IGSF3: variants seen among roughly 807,000 people sequenced by gnomAD.
IGSF3 encodes immunoglobulin superfamily member 3.
IGSF3 carries 23 observed loss-of-function variants against 114.4 expected under a neutral mutation model. That is an observed-to-expected ratio of 0.20 (90% CI 0.14 to 0.28). The LOEUF (loss-of-function observed/expected upper bound fraction) is 0.28, where lower values mean the gene tolerates loss of function less well. IGSF3 is among the 10% of genes least tolerant of loss of function. The pLI, the probability that IGSF3 is intolerant of heterozygous loss-of-function variation, is 1.00. For synonymous variants in IGSF3, 571 were observed against 645.2 expected (o/e 0.88, Z 1.74); for missense variants, 1,172 against 1,591.5 (o/e 0.74, Z 4.48).
chr1:116,651,492 T>A lies in IGSF3; in HGVS notation c.43+14792A>T, dbSNP rs1648634773. On this transcript the variant is annotated intron_variant, in intron 2 of 10. Transcript: ENST00000369486. The surrounding 1 kb of genome is among the most constrained non-coding windows in gnomAD (Gnocchi z 4.4). ...TCACAGATCACCAGTTTTAGCTGTT[T>A]GAAGTTTTAGAATTCCTTTTCAAAT... Among the ~76,000 whole-genome samples, 1 of 152,252 alleles carries A rather than the reference T, an allele frequency of 6.6e-6. No individual in the cohort carries two copies. Among genetic ancestry groups the A allele is most frequent in the African/African-American group, 2.4e-5 (1 of 41,468 alleles).
rs557236130 is a variant in IGSF3, at chr1:116,665,664, C to T, written c.43+620G>A. Among the ~76,000 whole-genome samples, 63 of 152,314 alleles carry T rather than the reference C, an allele frequency of 4.1e-4. No homozygotes were observed. The South Asian group carries it at 0.013, about 31-fold the overall frequency. ...GGAGCACAAAAGCCAATCCTAAAAT[C>T]TCCCCTACCAGGCAGCTTCCTTTTC... On this transcript the variant is annotated intron_variant, in intron 2 of 10. Transcript: ENST00000369486. The surrounding 1 kb of genome is among the most constrained non-coding windows in gnomAD (Gnocchi z 4.0).
chr1:116,648,174 C>T lies in IGSF3; in HGVS notation c.43+18110G>A, dbSNP rs921997162. ...AGCAAACACTGATCTGATGACACCC[C>T]AGTTTTGTAGAAGAGGAAGGAAAAA... On this transcript the variant is annotated intron_variant, in intron 2 of 10. Coordinates refer to ENST00000369486, the MANE Select transcript of IGSF3 (RefSeq NM_001007237.3). This position sits in a 1 kb window ranked among gnomAD's most constrained non-coding sequence, Gnocchi z 4.7. Among the ~76,000 whole-genome samples the T allele has an allele frequency of 1.4e-4, 22 of 152,160 alleles. No homozygotes were observed. Among genetic ancestry groups the T allele is most frequent in the African/African-American group, 4.8e-4 (20 of 41,414 alleles).
Position 116,647,520 on chromosome 1 carries a change from C to T in IGSF3, c.43+18764G>A, listed in dbSNP as rs539173530. Among the ~76,000 whole-genome samples, 10 of 152,288 alleles carry T rather than the reference C, an allele frequency of 6.6e-5. 1 individual carries two copies. Among genetic ancestry groups the T allele is most frequent in the Admixed American group, 4.6e-4 (7 of 15,308 alleles). On this transcript the variant is annotated intron_variant, in intron 2 of 10. Coordinates refer to ENST00000369486, the MANE Select transcript of IGSF3 (RefSeq NM_001007237.3). This position sits in a 1 kb window ranked among gnomAD's most constrained non-coding sequence, Gnocchi z 4.6. ...ATTGAGCCCTTACTATGTGCCAGAC[C>T]GATGCTAAGTGCTTTCCTCAGATGT...
chr1:116,601,265 A>T (rs1275141030), intron 6 of IGSF3, among the ~76,000 whole-genome samples: 1 of 152,222 alleles, frequency 6.6e-6, no homozygotes, highest in African/African-American at 2.4e-5. Context: ...AGCATTTAGT[A>T]AGTCAATGAC....
Position 116,584,708 on chromosome 1 carries a change from C to T in IGSF3, c.2785G>A (p.Gly929Ser). 6.2e-7 allele frequency: 1 copy of T among 1,613,668 alleles called. No homozygotes were observed. Among genetic ancestry groups the T allele is most frequent in the Non-Finnish European group, 8.5e-7 (1 of 1,179,548 alleles). The change falls in exon 9 of 11, where the codon GGC (glycine) becomes AGC (serine). Residue 929 changes from glycine (G) to serine (S), a missense_variant. Physicochemically the swap from Gly to Ser is moderately conservative, Grantham distance 56. Around this residue, in one of 3 missense-constraint regions of IGSF3, gnomAD observed 423 missense variants for 509.8 expected, o/e 0.83. Transcript: ENST00000369486. The surrounding 1 kb of genome is among the most constrained non-coding windows in gnomAD (Gnocchi z 5.8). Reference sequence around the variant, plus strand: ...TCCTCTGCCCGCTTATACCACATGCCACTGGGGCTGGGCAGCCACTCCTCC... The same window carrying T: ...TCCTCTGCCCGCTTATACCACATGCTACTGGGGCTGGGCAGCCACTCCTCC... The part of the protein sequence containing the change: ...HVEEWLPSPS[G>S]MWYKRAEDTA...
chr1:116,649,446 G>C lies in IGSF3; in HGVS notation c.43+16838C>G, dbSNP rs921011052. On this transcript the variant is annotated intron_variant, in intron 2 of 10. Transcript: ENST00000369486. This position sits in a 1 kb window ranked among gnomAD's most constrained non-coding sequence, Gnocchi z 4.5. ...AATGAATTCAACGCCTCATTACTTA[G>C]ATCTTTCCTCATTACCTCAAAGCCA... 1.3e-5 allele frequency among the ~76,000 whole-genome samples: 2 copies of C among 152,174 alleles called. No individual in the cohort carries two copies.
In IGSF3 at chr1:116,598,926, C is replaced by T. The variant is rs1331608407; in HGVS notation, c.2029+1015G>A. The stretch of plus-strand genomic sequence containing the variant: ...GCGAGAGTGTTTGCAGAAAGCCCCA[C>T]TGACTAATGCTCCCCAAATTAATGC... On this transcript the variant is annotated intron_variant, in intron 7 of 10. Coordinates refer to ENST00000369486, the MANE Select transcript of IGSF3 (RefSeq NM_001007237.3). The surrounding 1 kb of genome is among the most constrained non-coding windows in gnomAD (Gnocchi z 4.3). Among the ~76,000 whole-genome samples the T allele has an allele frequency of 6.6e-6, 1 of 152,216 alleles. No individual in the cohort carries two copies. Among genetic ancestry groups the T allele is most frequent in the African/African-American group, 2.4e-5 (1 of 41,446 alleles).
rs968476491 is a variant in IGSF3 at position 116,584,609 on chromosome 1, C to A, written c.2848+36G>T. On this transcript the variant is annotated intron_variant, in intron 9 of 10. Coordinates refer to ENST00000369486, the MANE Select transcript of IGSF3 (RefSeq NM_001007237.3). This position sits in a 1 kb window ranked among gnomAD's most constrained non-coding sequence, Gnocchi z 5.8. Reference sequence around the variant, plus strand: ...AACAGTATACTTAAATGGGAAACACCAGAGGGAGTGGAAGCTTGGGGACGT... The same window carrying A: ...AACAGTATACTTAAATGGGAAACACAAGAGGGAGTGGAAGCTTGGGGACGT... The A allele has an allele frequency of 3.1e-6, 5 of 1,607,022 alleles. No homozygotes were observed. Among genetic ancestry groups the A allele is most frequent in the Admixed American group, 3.3e-5 (2 of 59,956 alleles).
Position 116,614,193 on chromosome 1 carries a change from C to G in IGSF3, c.422-18G>C. The G allele has an allele frequency of 6.3e-7, 1 of 1,596,678 alleles. No homozygotes were observed. The highest frequency in any genetic ancestry group is 8.6e-7 in the Non-Finnish European group (1 of 1,167,150). On this transcript the variant is annotated intron_variant, in intron 3 of 10. Coordinates refer to ENST00000369486, the MANE Select transcript of IGSF3 (RefSeq NM_001007237.3). The surrounding 1 kb of genome is among the most constrained non-coding windows in gnomAD (Gnocchi z 4.5). ...TGGGATCACTGCAACACAGAAATGT[C>G]CTGAGAGTGCAGTCACAAAGCCACA...
At chr1:116,667,515 G>A (rs1210717348) in intron 1 of IGSF3, 103 bp downstream of exon 1, 1 of 150,922 alleles carries the variant, frequency 6.6e-6, no homozygotes, top group Non-Finnish European at 1.5e-5. Context: ...AGCCGGCGCG[G>A]GCCCGCTCCC....
At chr1:116,581,536 T>C (rs999865643) in intron 9 of IGSF3, among the ~76,000 whole-genome samples, 3 of 152,142 alleles carry the variant, frequency 2.0e-5, no homozygotes, top group Non-Finnish European at 4.4e-5. Context: ...GGGCTTTCAA[T>C]GAATTGGCTT....
At chr1:116,609,123 GAGTA>G (rs1660914997) in intron 4 of IGSF3, among the ~76,000 whole-genome samples, 1 of 151,528 alleles carries the variant, frequency 6.6e-6, no homozygotes, top group Non-Finnish European at 1.5e-5. Context: ...CTTTCCCACT[GAGTA>G]AGTACTTAGT....
rs1660687393 is a variant in IGSF3, at chr1:116,603,739, C to T, written c.1509G>A (p.Lys503=). 11 of 1,614,026 alleles carry T rather than the reference C, an allele frequency of 6.8e-6. No homozygotes were observed. Among genetic ancestry groups the T allele is most frequent in the Non-Finnish European group, 9.3e-6 (11 of 1,179,876 alleles). The part of the protein sequence containing the change: ...SFSLGIFNSR[K]EDEGQYECHV... ...GGCATTCATACTGGCCCTCGTCCTC[C>T]TTCCTGCTGTTGAAGATGCCCAGGC... Residue 503 remains lysine (K), a synonymous_variant, in exon 6 of 11, where the codon AAG becomes AAA. Coordinates refer to ENST00000369486, the MANE Select transcript of IGSF3 (RefSeq NM_001007237.3). The surrounding 1 kb of genome is among the most constrained non-coding windows in gnomAD (Gnocchi z 7.1).
rs1648236317 is a variant in IGSF3, at chr1:116,644,211, A to G, written c.43+22073T>C. On this transcript the variant is annotated intron_variant, in intron 2 of 10. Transcript: ENST00000369486. The surrounding 1 kb of genome is among the most constrained non-coding windows in gnomAD (Gnocchi z 5.6). ...CCTCTCCATTTCACAGAAACACCAC[A>G]GCAGAGCAGAACTGCAACCTGATAG... 6.6e-6 allele frequency among the ~76,000 whole-genome samples: 1 copy of G among 152,388 alleles called. No homozygotes were observed. The highest frequency in any genetic ancestry group is 2.4e-5 in the African/African-American group (1 of 41,598).
rs1378034526 is a variant in IGSF3 at position 116,582,183 on chromosome 1, A to C, written c.2849-2306T>G. ...CCTTCCCACAATCTCTCTCCCCTTA[A>C]CATGTTTCTCTACCAATTTAGTTCC... On this transcript the variant is annotated intron_variant, in intron 9 of 10. Coordinates refer to ENST00000369486, the MANE Select transcript of IGSF3 (RefSeq NM_001007237.3). This position sits in a 1 kb window ranked among gnomAD's most constrained non-coding sequence, Gnocchi z 4.7. Among the ~76,000 whole-genome samples, 2 of 152,152 alleles carry C rather than the reference A, an allele frequency of 1.3e-5. No homozygotes were observed. Among genetic ancestry groups the C allele is most frequent in the African/African-American group, 4.8e-5 (2 of 41,436 alleles).
intron 4 of IGSF3, among the ~76,000 whole-genome samples, chr1:116,609,659 G>A (rs984457170): frequency 6.6e-6 from 1 of 152,080 alleles, no homozygotes; most frequent in Non-Finnish European, 1.5e-5. Flanking sequence ...TCCCATGGCA[G>A]AGACGTTTGA....
In IGSF3 at chr1:116,610,518, T is replaced by C. The variant is rs1020619849; in HGVS notation, c.833-2187A>G. Among the ~76,000 whole-genome samples, 1 of 152,144 alleles carries C rather than the reference T, an allele frequency of 6.6e-6. No homozygotes were observed. The highest frequency in any genetic ancestry group is 2.4e-5 in the African/African-American group (1 of 41,424). On this transcript the variant is annotated intron_variant, in intron 4 of 10. Transcript: ENST00000369486. The surrounding 1 kb of genome is among the most constrained non-coding windows in gnomAD (Gnocchi z 4.3). Reference sequence around the variant, plus strand: ...TTTTTCCAATACCCCTTCCACTTCATCTCACTGAAATTAGGCTTCACTGAC... The same window carrying C: ...TTTTTCCAATACCCCTTCCACTTCACCTCACTGAAATTAGGCTTCACTGAC...
In IGSF3 at chr1:116,610,013, T is replaced by TG. The variant is rs1375089156; in HGVS notation, c.833-1683_833-1682insC. Among the ~76,000 whole-genome samples the TG allele has an allele frequency of 6.6e-6, 1 of 151,880 alleles. No individual in the cohort carries two copies. The highest frequency in any genetic ancestry group is 1.5e-5 in the Non-Finnish European group (1 of 68,004). On this transcript the variant is annotated intron_variant, in intron 4 of 10. Transcript: ENST00000369486. The surrounding 1 kb of genome is among the most constrained non-coding windows in gnomAD (Gnocchi z 4.3). ...TGACAGGGAAAACCACATCATCAAC[T>TG]CCAGGGCCTCCCCTCCAATGAAGTA...
rs1202925833 is a variant in IGSF3 at position 116,603,936 on chromosome 1, C to T, written c.1312G>A (p.Gly438Ser). 1 of 1,613,984 alleles carries T rather than the reference C, an allele frequency of 6.2e-7. No individual in the cohort carries two copies. The highest frequency in any genetic ancestry group is 8.5e-7 in the Non-Finnish European group (1 of 1,180,034). ...ACAGAGAAGCGACCCTGCGGCCTGC[C>T]TGCCGTGCGGACACTGCAGGAGAAG... Reference protein sequence around the residue: ...LRFSCSVRTAGRPQGRFSVIW... With the variant: ...LRFSCSVRTASRPQGRFSVIW... The change falls in exon 6 of 11, where the codon GGC (glycine) becomes AGC (serine). Residue 438 changes from glycine to serine, a missense_variant. Transcript: ENST00000369486. This position sits in a 1 kb window ranked among gnomAD's most constrained non-coding sequence, Gnocchi z 7.1.
Sources: gnomAD v4.1 joint callset for allele counts (sites outside exome capture counted in the v4.1 genomes callset) on GRCh38, gnomAD v4.1.1 for gene constraint, gnomAD v4.1.1 regional missense constraint, Gnocchi (gnomAD v3.1) non-coding constraint, MANE v1.5 for transcripts, NCBI Gene and HGNC (gene_info 2026-07-23, HGNC 2026-07-21) for gene names.